The following MCM8 variants were observed in gnomAD, a reference collection of about 807,000 sequenced individuals.
MCM8 encodes minichromosome maintenance 8 homologous recombination repair factor.
MCM8 carries 85 observed loss-of-function variants against 98.9 expected under a neutral mutation model. The ratio of observed to expected loss-of-function variants is 0.86; its 90% CI spans 0.72 to 1.03. The LOEUF (loss-of-function observed/expected upper bound fraction) is 1.03, where lower values mean the gene tolerates loss of function less well. Ranked by LOEUF, MCM8 falls within the 50% of genes least tolerant of loss-of-function variation. The probability of loss-of-function intolerance (pLI) is 0.00; values close to 1 mark genes in which losing one functional copy is unlikely to be tolerated. For missense variants in MCM8, 951 were observed against 997.8 expected, an observed-to-expected ratio of 0.95 and a Z score of 0.63; for synonymous variants, 352 against 338.6, an observed-to-expected ratio of 1.04 and a Z score of -0.44.
chr20:5,952,232 G>A (rs1600233768), intron 2 of MCM8, 69 bp downstream of exon 2: 8 of 1,587,912 alleles, frequency 5.0e-6, no homozygotes, highest in Middle Eastern at 1.7e-4. Flanking sequence ...CATACAAGGC[G>A]GTTTATCTCA....
intron 17 of MCM8, among the ~76,000 whole-genome samples, chr20:5,989,497 C>G (rs1203275077): frequency 6.6e-6 from 1 of 152,170 alleles, no homozygotes; most frequent in African/African-American, 2.4e-5. Flanking sequence ...CCAAAGGCCT[C>G]AAAAACTGGC....
intron 13 of MCM8, among the ~76,000 whole-genome samples, chr20:5,981,491 A>G (rs1388565009): frequency 6.6e-6 from 1 of 152,226 alleles, no homozygotes; most frequent in Non-Finnish European, 1.5e-5. Context: ...ACAAAGTTCA[A>G]CAAAGCCCCC....
intron 11 of MCM8, chr20:5,972,806 A>T: frequency 7.0e-7 from 1 of 1,427,382 alleles, no homozygotes; most frequent in South Asian, 1.3e-5. Flanking sequence ...TGTGGAATGG[A>T]TTTATGCCTT....
At chr20:5,977,812 A>C in intron 12 of MCM8, 64 bp from the exon 13 acceptor site, 14 of 1,576,000 alleles carry the variant, frequency 8.9e-6, no homozygotes, top group Non-Finnish European at 1.1e-5. Flanking sequence ...TTTGTGAGCA[A>C]CTGCTGTTAG....
intron 13 of MCM8, among the ~76,000 whole-genome samples, chr20:5,980,873 CAAA>C (rs36027696): frequency 0.015 from 1,304 of 87,912 alleles, 13 homozygotes; most frequent in Middle Eastern, 0.037. Flanking sequence ...CTCTGTCTCT[CAAA>C]AAAAAAAAAA....
At chr20:5,964,830 A>G (rs552753747) in intron 8 of MCM8, among the ~76,000 whole-genome samples, 17 of 152,332 alleles carry the variant, frequency 1.1e-4, no homozygotes, top group African/African-American at 4.1e-4. Context: ...CAATGATTGT[A>G]CTTACATTAA....
intron 7 of MCM8, among the ~76,000 whole-genome samples, chr20:5,960,795 C>A (rs940279541): frequency 3.3e-5 from 5 of 152,246 alleles, no homozygotes; most frequent in African/African-American, 1.2e-4. Context: ...ATTAGCCAGA[C>A]GTGGTGGCAC....
chr20:5,972,170 T>C (rs956505672), intron 11 of MCM8, 133 bp downstream of exon 11: 2 of 564,810 alleles, frequency 3.5e-6, no homozygotes, highest in African/African-American at 2.0e-5. Flanking sequence ...AAATTAATGA[T>C]ATGGGAGGCA....
rs149073298 is a variant in MCM8, at chr20:5,995,088, A to G, written c.*697A>G. 6 of 156,302 alleles carry G rather than the reference A, an allele frequency of 3.8e-5. No homozygotes were observed. Among genetic ancestry groups the G allele is most frequent in the Admixed American group, 1.9e-4 (3 of 15,888 alleles). 9.7% of individuals were successfully genotyped at this position (156,302 alleles called of 1,614,324 possible). ...ATGTAGGCATACAGACAAATACATA[A>G]ACCAATGAATATATTACATATTCTG... On this transcript the variant is annotated 3_prime_UTR_variant, in exon 19 of 19. Coordinates refer to ENST00000610722, the MANE Select transcript of MCM8 (RefSeq NM_032485.6).
Position 5,958,517 on chromosome 20 carries a change from T to G in MCM8, c.591-11T>G. 1 of 1,599,998 alleles carries G rather than the reference T, an allele frequency of 6.3e-7. No homozygotes were observed. Among genetic ancestry groups the G allele is most frequent in the Non-Finnish European group, 8.5e-7 (1 of 1,172,350 alleles). ...CAATTTTCTGTTCATTACTTCCTGT[T>G]TTGTCTTTAGGGTGTACAACTATGA... On this transcript the variant is annotated splice_polypyrimidine_tract_variant and intron_variant, in intron 6 of 18. Coordinates refer to ENST00000610722, the MANE Select transcript of MCM8 (RefSeq NM_032485.6).
At chr20:5,957,029 T>C in intron 5 of MCM8, 97 bp from the exon 6 acceptor site, 1 of 626,678 alleles carries the variant, frequency 1.6e-6, no homozygotes, top group Non-Finnish European at 2.6e-6. Flanking sequence ...TTTATTCTGT[T>C]TCTGTCCATA....
intron 12 of MCM8, 121 bp from the exon 13 acceptor site, chr20:5,977,755 C>T (rs2089542724): frequency 9.8e-7 from 1 of 1,019,296 alleles, no homozygotes; most frequent in African/African-American, 1.6e-5. Flanking sequence ...TGATGGTGCA[C>T]CTTGTACACT....
At chr20:5,990,375 C>T (rs960422285) in intron 17 of MCM8, among the ~76,000 whole-genome samples, 1 of 152,216 alleles carries the variant, frequency 6.6e-6, no homozygotes, top group African/African-American at 2.4e-5. Context: ...CCGCGCCTGA[C>T]ATCACACAGT....
chr20:5,973,694 G>A (rs147975700), intron 12 of MCM8, among the ~76,000 whole-genome samples: 2,140 of 151,786 alleles, frequency 0.014, 40 homozygotes, highest in African/African-American at 0.05. Context: ...ACACTCTGTT[G>A]CCCAGGCTGG....
chr20:5,960,591 C>G (rs533516038), intron 7 of MCM8, among the ~76,000 whole-genome samples: 15 of 152,188 alleles, frequency 9.9e-5, no homozygotes, highest in African/African-American at 3.4e-4. Context: ...TTGACATGAT[C>G]AAATTGTTGT....
At chr20:5,993,969 C>A in intron 18 of MCM8, 2 of 349,260 alleles carry the variant, frequency 5.7e-6, no homozygotes, top group East Asian at 4.7e-5. Flanking sequence ...TCAAAGTTCT[C>A]GTGAAAATCA....
intron 10 of MCM8, among the ~76,000 whole-genome samples, chr20:5,970,049 A>G (rs946964256): frequency 1.3e-5 from 2 of 152,116 alleles, no homozygotes; most frequent in Non-Finnish European, 2.9e-5. Context: ...AGAATTTTTC[A>G]TGGTCCTCTA....
chr20:5,981,360 C>T (rs1184344308), intron 13 of MCM8, among the ~76,000 whole-genome samples: 6 of 152,002 alleles, frequency 3.9e-5, no homozygotes, highest in Non-Finnish European at 7.4e-5. Context: ...TCACTATGTC[C>T]CAGAGCTCCA....
At chr20:5,985,585 G>A (rs1381636988) in intron 15 of MCM8, among the ~76,000 whole-genome samples, 7 of 151,598 alleles carry the variant, frequency 4.6e-5, no homozygotes, top group Non-Finnish European at 1.0e-4. Flanking sequence ...CACTCTTATC[G>A]CTCAGGCTGG....
Sources: gnomAD v4.1 joint callset for allele counts (sites outside exome capture counted in the v4.1 genomes callset) on GRCh38, gnomAD v4.1.1 for gene constraint, MANE v1.5 for transcripts, NCBI Gene and HGNC (gene_info 2026-07-23, HGNC 2026-07-21) for gene names.